Variants in S100PBP observed in about 807,000 individuals in gnomAD.
S100PBP encodes S100P binding protein, also known as S100P-binding protein.
S100PBP carries 15 observed loss-of-function variants against 39.9 expected under a neutral mutation model. The observed-to-expected ratio is 0.38, with a 90% CI of 0.25 to 0.58. The LOEUF is 0.58. Among genes scored for constraint, S100PBP ranks in the 20% least tolerant of loss-of-function variants. The pLI is 0.70. For missense variants in S100PBP, 504 were observed against 487.3 expected (o/e 1.03, Z -0.32); for synonymous variants, 178 against 180.3 (o/e 0.99, Z 0.10).
At chr1:32,820,988 ATAATT>A (rs1639030529) in intron 1 of S100PBP, among the ~76,000 whole-genome samples, 2 of 144,088 alleles carry the variant, frequency 1.4e-5, no homozygotes, top group African/African-American at 5.2e-5. Context: ...AAAAATAACA[ATAATT>A]TAACAGTGTA....
upstream of S100PBP, chr1:32,817,288 C>A: frequency 6.2e-7 from 1 of 1,611,556 alleles, no homozygotes; most frequent in Non-Finnish European, 8.5e-7. Flanking sequence ...GGCACCAGAG[C>A]CCCTTCCTGG....
intron 5 of S100PBP, chr1:32,835,393 T>C (rs1431725298): frequency 1.3e-5 from 2 of 152,158 alleles, no homozygotes; most frequent in African/African-American, 4.8e-5. Context: ...ATTAATCTTT[T>C]TTTTTAATTG....
intron 1 of S100PBP, among the ~76,000 whole-genome samples, chr1:32,822,044 C>G (rs1173406622): frequency 6.6e-6 from 1 of 151,938 alleles, no homozygotes; most frequent in African/African-American, 2.4e-5. Context: ...TACTTGGATA[C>G]TGATTATTTT....
intron 5 of S100PBP, chr1:32,834,717 A>G (rs1396947365): frequency 6.6e-6 from 1 of 152,194 alleles, no homozygotes; most frequent in African/African-American, 2.4e-5. Context: ...TTAGTAAATT[A>G]TCTGTGGGGT....
intron 5 of S100PBP, among the ~76,000 whole-genome samples, chr1:32,833,332 A>G (rs779107817): frequency 3.3e-5 from 5 of 152,004 alleles, no homozygotes; most frequent in Non-Finnish European, 7.4e-5. Context: ...AGCATCATGA[A>G]AAATAACTTT....
chr1:32,851,602 G>T (rs1640611800), intron 5 of S100PBP, among the ~76,000 whole-genome samples: 1 of 151,338 alleles, frequency 6.6e-6, no homozygotes, highest in African/African-American at 2.4e-5. Flanking sequence ...GGAGGAGGAG[G>T]TTGCGGTGAG....
Position 32,828,055 on chromosome 1 carries a change from C to A in S100PBP, c.894C>A (p.Val298=). ...GCCATGAGAGAAGACTAGGCAAAGT[C>A]ATTCCTGTTCTACAAACTAAGACCA... ...MKGHERRLGK[V]IPVLQTKTRT... is the part of the protein sequence containing the mutation. The change falls in exon 4 of 7, where the codon GTC becomes GTA. Residue 298 remains valine, a synonymous_variant. Transcript: ENST00000373475. 1.2e-6 allele frequency: 2 copies of A among 1,606,488 alleles called. No homozygotes were observed. Among genetic ancestry groups the A allele is most frequent in the South Asian group, 2.2e-5 (2 of 90,848 alleles).
Position 32,826,300 on chromosome 1 carries a change from A to G in S100PBP, c.201A>G (p.Pro67=). 1 of 1,614,178 alleles carries G rather than the reference A, an allele frequency of 6.2e-7. No homozygotes were observed. Among genetic ancestry groups the G allele is most frequent in the Non-Finnish European group, 8.5e-7 (1 of 1,180,020 alleles). ...ATGCACTGTTGAAGGAAGATGACCC[A>G]TCATATGAGCAGTCTTCTGGGGAAG... ...EIDALLKEDD[P]SYEQSSGEDD... Residue 67 remains proline (P), a synonymous_variant, in exon 3 of 7, where the codon CCA becomes CCG. Coordinates refer to ENST00000373475, the MANE Select transcript of S100PBP (RefSeq NM_022753.4).
chr1:32,830,340 A>G (rs995712881), intron 5 of S100PBP, among the ~76,000 whole-genome samples: 1 of 148,048 alleles, frequency 6.8e-6, no homozygotes, highest in Non-Finnish European at 1.5e-5. Flanking sequence ...CCAGACCGGT[A>G]CATTTTTGCT....
At chr1:32,823,413 A>G (rs1287017717) in intron 1 of S100PBP, among the ~76,000 whole-genome samples, 1 of 152,258 alleles carries the variant, frequency 6.6e-6, no homozygotes, top group Non-Finnish European at 1.5e-5. Context: ...TTCAACACCT[A>G]GAACTCTCAA....
Position 32,830,023 on chromosome 1 carries a change from G to A in S100PBP, c.980G>A (p.Arg327Lys), listed in dbSNP as rs1639524182. 3.1e-6 allele frequency: 5 copies of A among 1,613,786 alleles called. No homozygotes were observed. In the African/African-American group the frequency reaches 4.0e-5, roughly 13 times the overall value. ...GAACAGCAGAAGCAGCTTTATCTCA[G>A]GAGTGTCATTGCTCATATAGAAGAC... ...NLEQQKQLYLRSVIAHIEDPE... is the reference protein window; with the variant it reads ...NLEQQKQLYLKSVIAHIEDPE... Residue 327 changes from arginine (R) to lysine (K), a missense_variant, in exon 5 of 7, where the codon AGG (arginine) becomes AAG (lysine). Coordinates refer to ENST00000373475, the MANE Select transcript of S100PBP (RefSeq NM_022753.4).
At chr1:32,851,116 T>C (rs1640590321) in intron 5 of S100PBP, among the ~76,000 whole-genome samples, 1 of 152,152 alleles carries the variant, frequency 6.6e-6, no homozygotes, top group Admixed American at 6.5e-5. Context: ...ACAGAGCTAA[T>C]TGATGGATTG....
At chr1:32,829,562 A>C (rs940983856) in intron 4 of S100PBP, among the ~76,000 whole-genome samples, 2 of 152,124 alleles carry the variant, frequency 1.3e-5, no homozygotes, top group African/African-American at 4.8e-5. Flanking sequence ...TCGTGGACTC[A>C]AGTCATCCTC....
At chr1:32,833,715 AAACTT>A (rs1639700805) in intron 5 of S100PBP, among the ~76,000 whole-genome samples, 1 of 152,172 alleles carries the variant, frequency 6.6e-6, no homozygotes, top group African/African-American at 2.4e-5. Flanking sequence ...ACAAAGAAAA[AAACTT>A]AAAATCACCT....
At chr1:32,848,002 C>T (rs991335129) in intron 5 of S100PBP, among the ~76,000 whole-genome samples, 3 of 152,136 alleles carry the variant, frequency 2.0e-5, no homozygotes, top group Non-Finnish European at 2.9e-5. Context: ...CCGAACTACA[C>T]GCTCCGTCAG....
chr1:32,821,838 C>T (rs932460783), intron 1 of S100PBP, among the ~76,000 whole-genome samples: 2 of 151,976 alleles, frequency 1.3e-5, no homozygotes, highest in Non-Finnish European at 2.9e-5. Context: ...GGGGTTCCGC[C>T]ATGTTGGTCA....
chr1:32,829,826 T>C, intron 4 of S100PBP, 138 bp from the exon 5 acceptor site: 2 of 634,642 alleles, frequency 3.2e-6, no homozygotes, highest in South Asian at 3.9e-5. Context: ...TACTGTCCTC[T>C]GCCTCTCGAT....
intron 5 of S100PBP, among the ~76,000 whole-genome samples, chr1:32,830,862 A>T (rs1281835018): frequency 6.6e-6 from 1 of 152,210 alleles, no homozygotes; most frequent in East Asian, 1.9e-4. Flanking sequence ...CCTGGCCAGC[A>T]TGGCAAAACC....
intron 5 of S100PBP, among the ~76,000 whole-genome samples, chr1:32,830,537 G>C (rs1279144017): frequency 6.6e-6 from 1 of 152,166 alleles, no homozygotes; most frequent in Non-Finnish European, 1.5e-5. Flanking sequence ...CTACCTTCCA[G>C]ATCCTTCAAG....
Sources: allele counts gnomAD v4.1 joint callset (sites outside exome capture counted in the v4.1 genomes callset), GRCh38; gene constraint gnomAD v4.1.1; transcripts MANE v1.5; gene names NCBI Gene and HGNC (gene_info 2026-07-23, HGNC 2026-07-21).